Variants in MEF2A observed in about 807,000 individuals in gnomAD.
The protein encoded by MEF2A is myocyte enhancer factor 2A.
MEF2A carries 28 observed loss-of-function variants against 55.8 expected under a neutral mutation model. That is an observed-to-expected ratio of 0.50 (90% CI 0.37 to 0.69). MEF2A has a LOEUF of 0.69. Among genes scored for constraint, MEF2A ranks in the 30% least tolerant of loss-of-function variants. MEF2A has a pLI of 0.00. For synonymous variants in MEF2A, 239 were observed against 227.1 expected (o/e 1.05, Z -0.47); for missense variants, 528 against 626.2 (o/e 0.84, Z 1.67).
rs140432104 is a variant in MEF2A at position 99,668,746 on chromosome 15, G to A, written c.259-2577G>A. On this transcript the variant is annotated intron_variant, in intron 4 of 11. Coordinates refer to ENST00000557942, the MANE Select transcript of MEF2A (RefSeq NM_001319206.4). ...AGCTGGCCAGGATCGTATGTACCTG[G>A]GCCTGGCCTTCTTAATAGATTACGG... Among the ~76,000 whole-genome samples, 543 of 152,246 alleles carry A rather than the reference G, an allele frequency of 3.6e-3. 6 individuals are homozygous for A. The highest frequency in any genetic ancestry group is 0.012 in the African/African-American group (490 of 41,546).
chr15:99,639,238 A>G (rs1047134684), intron 3 of MEF2A, among the ~76,000 whole-genome samples: 1 of 152,074 alleles, frequency 6.6e-6, no homozygotes, highest in African/African-American at 2.4e-5. Flanking sequence ...CCTCTTTATA[A>G]TTTTTCCTGG....
At position 99,644,668 on chromosome 15, in the gene MEF2A, T is replaced by G. The variant is rs148612734; in HGVS notation, c.55-893T>G. Among the ~76,000 whole-genome samples, 456 of 152,348 alleles carry G rather than the reference T, an allele frequency of 3.0e-3. 3 individuals carry two copies. The highest frequency in any genetic ancestry group is 0.01 in the African/African-American group (427 of 41,580). ...TTCCAAAGATTATTCAAAAGTATAT[T>G]CTTACTGACCTTTCAAAAACTGTTT... On this transcript the variant is annotated intron_variant, in intron 3 of 11. Coordinates refer to ENST00000557942, the MANE Select transcript of MEF2A (RefSeq NM_001319206.4).
chr15:99,611,836 C>T (rs1452385242), intron 2 of MEF2A, among the ~76,000 whole-genome samples: 1 of 151,798 alleles, frequency 6.6e-6, no homozygotes, highest in African/African-American at 2.4e-5. Flanking sequence ...ATTATTCAGC[C>T]AAAAAAGGAT....
chr15:99,586,938 G>A (rs117084090), intron 1 of MEF2A, among the ~76,000 whole-genome samples: 18 of 152,136 alleles, frequency 1.2e-4, no homozygotes, highest in East Asian at 1.2e-3. Context: ...TCAAATGACC[G>A]TATTTGTGTA....
At chr15:99,602,653 G>GGTGTGTGTGTGTGTGTGTGTGT (rs773502316) in intron 2 of MEF2A, among the ~76,000 whole-genome samples, 2 of 44,840 alleles carry the variant, frequency 4.5e-5, no homozygotes, top group African/African-American at 7.1e-5. Flanking sequence ...ACATTCCTGG[G>GGTGTGTGTGTGTGTGTGTGTGT]GTGTGTGTGT....
At chr15:99,592,284 G>T (rs1357785836) in intron 1 of MEF2A, among the ~76,000 whole-genome samples, 2 of 151,906 alleles carry the variant, frequency 1.3e-5, no homozygotes, top group South Asian at 4.2e-4. Context: ...GTAATCTTTG[G>T]GAACTTTTTT....
At chr15:99,674,901 G>T (rs1321781613) in intron 6 of MEF2A, among the ~76,000 whole-genome samples, 1 of 152,120 alleles carries the variant, frequency 6.6e-6, no homozygotes, top group African/African-American at 2.4e-5. Context: ...CAGAAGCAAG[G>T]ATTTAAAGTA....
chr15:99,584,327 G>A (rs867530674), intron 1 of MEF2A, among the ~76,000 whole-genome samples: 1 of 152,092 alleles, frequency 6.6e-6, no homozygotes, highest in Admixed American at 6.6e-5. Context: ...GTTTTTTATT[G>A]TAAGAACAGA....
intron 2 of MEF2A, among the ~76,000 whole-genome samples, chr15:99,600,832 C>A (rs1046658780): frequency 2.0e-5 from 3 of 152,074 alleles, no homozygotes; most frequent in African/African-American, 7.2e-5. Context: ...TAATGTAAAT[C>A]CTCTAAGTTT....
chr15:99,648,295 C>T (rs956824581), intron 4 of MEF2A, among the ~76,000 whole-genome samples: 2 of 152,058 alleles, frequency 1.3e-5, no homozygotes, highest in Non-Finnish European at 2.9e-5. Context: ...ATGTGCTTTG[C>T]AAGTTGATCT....
At chr15:99,616,068 A>G (rs901970118) in intron 2 of MEF2A, among the ~76,000 whole-genome samples, 4 of 152,332 alleles carry the variant, frequency 2.6e-5, no homozygotes, top group African/African-American at 7.2e-5. Flanking sequence ...TGGTTCCCAT[A>G]TATCAAGCCA....
chr15:99,679,080 G>A (rs2052696089), intron 7 of MEF2A, among the ~76,000 whole-genome samples: 1 of 152,136 alleles, frequency 6.6e-6, no homozygotes, highest in African/African-American at 2.4e-5. Context: ...GAAATAGATG[G>A]TATACCAAAT....
chr15:99,672,055 A>G (rs1164050969), intron 5 of MEF2A, among the ~76,000 whole-genome samples: 1 of 152,218 alleles, frequency 6.6e-6, no homozygotes, highest in East Asian at 1.9e-4. Flanking sequence ...ACTTAAAAAC[A>G]TATGTGTTCT....
At chr15:99,596,714 C>G (rs548845051) in intron 1 of MEF2A, among the ~76,000 whole-genome samples, 1 of 152,250 alleles carries the variant, frequency 6.6e-6, no homozygotes, top group African/African-American at 2.4e-5. Context: ...CCAATAGGAG[C>G]GAGGAGAGAG....
chr15:99,600,492 A>T (rs1972611525), intron 2 of MEF2A, among the ~76,000 whole-genome samples: 1 of 152,166 alleles, frequency 6.6e-6, no homozygotes, highest in Non-Finnish European at 1.5e-5. Context: ...TAGGGATTAG[A>T]CAGAATTTCT....
chr15:99,671,259 T>C lies in MEF2A; in HGVS notation c.259-64T>C, dbSNP rs545791465. 2.8e-4 allele frequency: 439 copies of C among 1,555,602 alleles called. 1 individual carries two copies. Among genetic ancestry groups the C allele is most frequent in the Middle Eastern group, 1.7e-3 (10 of 5,818 alleles). On this transcript the variant is annotated intron_variant, in intron 4 of 11. Transcript: ENST00000557942. ...ATTCCGTCTGTGCTCTCTTAATAAA[T>C]TTTACAGAAAAACTCATGGCAAGTT...
chr15:99,611,272 G>C lies in MEF2A; in HGVS notation c.-143+12761G>C, dbSNP rs144380717. Among the ~76,000 whole-genome samples the C allele has an allele frequency of 9.9e-5, 15 of 152,218 alleles. No homozygotes were observed. The East Asian group carries it at 2.7e-3, about 27-fold the overall frequency. On this transcript the variant is annotated intron_variant, in intron 2 of 11. Coordinates refer to ENST00000557942, the MANE Select transcript of MEF2A (RefSeq NM_001319206.4). ...CAAAACAAAACAAAACTTGATGAGT[G>C]GGAGAAGGTATTTACAGATCATATA... is the stretch of plus-strand genomic sequence containing the variant.
At chr15:99,611,504 A>G (rs1977282742) in intron 2 of MEF2A, among the ~76,000 whole-genome samples, 1 of 152,222 alleles carries the variant, frequency 6.6e-6, no homozygotes, top group Non-Finnish European at 1.5e-5. Flanking sequence ...TGATGGCATA[A>G]TAAAAAAAGA....
chr15:99,565,449 C>G (rs1256035689), upstream of MEF2A: 1 of 149,490 alleles, frequency 6.7e-6, no homozygotes, highest in Non-Finnish European at 1.5e-5. Flanking sequence ...CGGGCCGCTC[C>G]CGGCCTGGGC....
Sources: allele counts gnomAD v4.1 joint callset (sites outside exome capture counted in the v4.1 genomes callset), GRCh38; gene constraint gnomAD v4.1.1; transcripts MANE v1.5; gene names NCBI Gene and HGNC (gene_info 2026-07-23, HGNC 2026-07-21).